Variants in MED25 observed in about 807,000 individuals in gnomAD.
The protein encoded by MED25 is mediator complex subunit 25, also known as mediator of RNA polymerase II transcription subunit 25.
A neutral mutation model predicts 89.4 loss-of-function variants in MED25; 62 were observed. The ratio of observed to expected loss-of-function variants is 0.69; its 90% CI spans 0.57 to 0.86. The LOEUF is 0.86. Among genes scored for constraint, MED25 ranks in the 40% least tolerant of loss-of-function variants. MED25 has a pLI of 0.00. For missense variants in MED25, 905 were observed against 1,005.2 expected (o/e 0.90, Z 1.35); for synonymous variants, 449 against 427.9 (o/e 1.05, Z -0.61).
intron 2 of MED25, 23 bp from the exon 3 acceptor site, chr19:49,819,149 A>C (rs2073963250): frequency 6.2e-7 from 1 of 1,613,852 alleles, no homozygotes; most frequent in Non-Finnish European, 8.5e-7. Context: ...CCAGATTAAA[A>C]GTTTTCTGTC....
intron 3 of MED25, among the ~76,000 whole-genome samples, chr19:49,824,108 G>A (rs2074000451): frequency 6.6e-6 from 1 of 152,122 alleles, no homozygotes; most frequent in Non-Finnish European, 1.5e-5. Flanking sequence ...CACAGGGCCT[G>A]GTACACAGGA....
intron 3 of MED25, among the ~76,000 whole-genome samples, chr19:49,824,790 A>G (rs1333001496): frequency 1.3e-5 from 2 of 152,212 alleles, no homozygotes; most frequent in East Asian, 1.9e-4. Context: ...CCTGGGTGAC[A>G]GGCCGTGTGT....
chr19:49,818,731 TG>T, intron 2 of MED25, 115 bp downstream of exon 2: 3 of 1,003,734 alleles, frequency 3.0e-6, no homozygotes, highest in Non-Finnish European at 3.1e-6. Flanking sequence ...GAGGAGGGGC[TG>T]GGGGTCTGGA....
chr19:49,821,400 A>T (rs1371466403), intron 3 of MED25, among the ~76,000 whole-genome samples: 1 of 152,192 alleles, frequency 6.6e-6, no homozygotes, highest in East Asian at 1.9e-4. Context: ...CGATCCTCCC[A>T]TCTCAGCTTC....
rs763665593 is a variant in MED25 at position 49,831,359 on chromosome 19, G to A, written c.1128G>A (p.Val376=). 1.2e-5 allele frequency: 20 copies of A among 1,610,990 alleles called. No individual in the cohort carries two copies. Among genetic ancestry groups the A allele is most frequent in the Non-Finnish European group, 1.7e-5 (20 of 1,178,934 alleles). ...CAGGCACTGTGGCCCCAGGAGGGGT[G>A]AGCGGCCCTTCCCCAGCCCAGCTGG... The part of the protein sequence containing the change: ...SMAGTVAPGG[V]SGPSPAQLGA... Residue 376 remains valine (V), a synonymous_variant, in exon 10 of 18, where the codon GTG becomes GTA. Coordinates refer to ENST00000312865, the MANE Select transcript of MED25 (RefSeq NM_030973.4). The surrounding 1 kb of genome is among the most constrained non-coding windows in gnomAD (Gnocchi z 5.0).
At position 49,831,562 on chromosome 19, in the gene MED25, G is replaced by A. The variant is rs1176693154; in HGVS notation, c.1230+101G>A. 4 of 1,418,698 alleles carry A rather than the reference G, an allele frequency of 2.8e-6. No homozygotes were observed. The highest frequency in any genetic ancestry group is 3.8e-6 in the Non-Finnish European group (4 of 1,047,808). The allele number at this position is 1,418,698 out of a possible 1,614,324, so 87.9% of individuals were successfully genotyped here. On this transcript the variant is annotated intron_variant, in intron 10 of 17. Coordinates refer to ENST00000312865, the MANE Select transcript of MED25 (RefSeq NM_030973.4). The surrounding 1 kb of genome is among the most constrained non-coding windows in gnomAD (Gnocchi z 5.0). ...CAGATGCGTGGGGTCTGCAGTGCTG[G>A]GTTTGGAGGCATTCGTTGCGCTGGA...
rs1002259174 is a variant in MED25 at position 49,830,444 on chromosome 19, G to A, written c.820-67G>A. 1.2e-5 allele frequency: 19 copies of A among 1,526,996 alleles called. No homozygotes were observed. Among genetic ancestry groups the A allele is most frequent in the Non-Finnish European group, 1.5e-5 (17 of 1,104,098 alleles). The allele number at this position is 1,526,996 out of a possible 1,614,324, so 94.6% of individuals were successfully genotyped here. On this transcript the variant is annotated intron_variant, in intron 7 of 17. Coordinates refer to ENST00000312865, the MANE Select transcript of MED25 (RefSeq NM_030973.4). This position sits in a 1 kb window ranked among gnomAD's most constrained non-coding sequence, Gnocchi z 4.6. ...ATGGGGCCATGGGTGGTGTGACCTC[G>A]TGGGATACCAGGACTGGGGGGCCAT...
chr19:49,822,936 C>T (rs550224454), intron 3 of MED25, among the ~76,000 whole-genome samples: 10 of 152,166 alleles, frequency 6.6e-5, no homozygotes, highest in Non-Finnish European at 1.2e-4. Flanking sequence ...CGTGAGCCAC[C>T]GCGCCTGGCC....
chr19:49,833,577 C>G (rs1224351337), intron 13 of MED25: 1 of 152,254 alleles, frequency 6.6e-6, no homozygotes, highest in Non-Finnish European at 1.5e-5. Context: ...GTTAGTACTT[C>G]CGGCTGCAAA....
rs533570346 is a variant in MED25, at chr19:49,832,314, C to T, written c.1381C>T (p.Leu461=). 6 of 1,605,446 alleles carry T rather than the reference C, an allele frequency of 3.7e-6. No individual in the cohort carries two copies. The highest frequency in any genetic ancestry group is 3.4e-5 in the Admixed American group (2 of 59,012). Residue 461 remains leucine (L), a synonymous_variant, in exon 13 of 18, where the codon CTG becomes TTG. Coordinates refer to ENST00000312865, the MANE Select transcript of MED25 (RefSeq NM_030973.4). ...ACTTCTGTGTCTCCCGCAGACCACC[C>T]TGGGCCCTTTGTTCCGGAACTCAAG... The part of the protein sequence containing the change: ...QLIPQQLLTT[L]GPLFRNSRMV...
downstream of MED25, chr19:49,838,564 A>T: frequency 2.2e-6 from 1 of 457,386 alleles, no homozygotes; most frequent in Non-Finnish European, 4.4e-6. Context: ...TCTTGTACCC[A>T]TGTCTCTATC....
intron 12 of MED25, 33 bp downstream of exon 12, chr19:49,832,190 G>C (rs1281244660): frequency 1.9e-6 from 3 of 1,608,182 alleles, no homozygotes; most frequent in Non-Finnish European, 2.5e-6. Context: ...CCCTGCTGCC[G>C]GGCAGTCCTC....
chr19:49,828,452 C>A lies in MED25; in HGVS notation c.309C>A (p.Phe103Leu), dbSNP rs918394135. The A allele has an allele frequency of 9.9e-6, 16 of 1,612,978 alleles. No individual in the cohort carries two copies. The highest frequency in any genetic ancestry group is 1.4e-5 in the Non-Finnish European group (16 of 1,179,168). The change falls in exon 4 of 18, where the codon TTC (phenylalanine) becomes TTA (leucine). Residue 103 changes from phenylalanine (F) to leucine (L), a missense_variant. This residue lies in a region of MED25 where 501 missense variants were observed against 526.9 expected (regional missense o/e 0.95). Transcript: ENST00000312865. Reference protein sequence around the residue: ...EFVTWLDGIKFMGGGGESCSL... With the variant: ...EFVTWLDGIKLMGGGGESCSL... ...GCTGACCGCTCTGCCCCTGCAGGTT[C>A]ATGGGCGGGGGTGGTGAGAGCTGCA... is the stretch of plus-strand genomic sequence containing the variant.
chr19:49,835,415 A>AC lies in MED25; in HGVS notation c.1675-114dup. 1 of 1,101,878 alleles carries AC rather than the reference A, an allele frequency of 9.1e-7. No individual in the cohort carries two copies. The allele number at this position is 1,101,878 out of a possible 1,614,324, so 68.3% of individuals were successfully genotyped here. ...GTACGGCATCCCTCCCAGACCACTC[A>AC]CCCCCAAAGAGAATGTCCCCATCTC... On this transcript the variant is annotated intron_variant, in intron 14 of 17. Transcript: ENST00000312865. This position sits in a 1 kb window ranked among gnomAD's most constrained non-coding sequence, Gnocchi z 6.2.
rs748129176 is a variant in MED25, at chr19:49,836,241, C to G, written c.1981C>G (p.Pro661Ala). 9.9e-6 allele frequency: 16 copies of G among 1,612,020 alleles called. No homozygotes were observed. Among genetic ancestry groups the G allele is most frequent in the South Asian group, 5.5e-5 (5 of 91,038 alleles). Reference protein sequence around the residue: ...LNPPPPQTGVPPPQASLHHLQ... With the variant: ...LNPPPPQTGVAPPQASLHHLQ... ...GTTCTCCCAGCCGCAGACTGGGGTGCCCCCACCCCAGGCCTCCCTCCACCA... is the reference window on the plus strand; with the variant it reads ...GTTCTCCCAGCCGCAGACTGGGGTGGCCCCACCCCAGGCCTCCCTCCACCA... Residue 661 changes from proline to alanine, a missense_variant, in exon 17 of 18, where the codon CCC becomes GCC. Pro to Ala is a conservative substitution (Grantham distance 27, BLOSUM62 -1). Coordinates refer to ENST00000312865, the MANE Select transcript of MED25 (RefSeq NM_030973.4). This position sits in a 1 kb window ranked among gnomAD's most constrained non-coding sequence, Gnocchi z 5.1.
rs930646924 is a variant in MED25, at chr19:49,832,124, G to C, written c.1341G>C (p.Lys447Asn). Residue 447 changes from lysine to asparagine, a missense_variant, in exon 12 of 18, where the codon AAG (lysine) becomes AAC (asparagine). Physicochemically the swap from Lys to Asn is moderately conservative, Grantham distance 94. This residue lies in a region of MED25 where 133 missense variants were observed against 220.2 expected (regional missense o/e 0.60). Transcript: ENST00000312865. ...ENLKTEQWPQKLIMQLIPQQL... is the reference protein window; with the variant it reads ...ENLKTEQWPQNLIMQLIPQQL... ...GGAAGACGGAGCAGTGGCCCCAGAA[G>C]CTGATCATGCAGCTCATCCCCCAGC... 1 of 1,613,146 alleles carries C rather than the reference G, an allele frequency of 6.2e-7. No individual in the cohort carries two copies. Among genetic ancestry groups the C allele is most frequent in the Non-Finnish European group, 8.5e-7 (1 of 1,180,020 alleles).
rs535410485 is a variant in MED25, at chr19:49,822,125, C to T, written c.305+2829C>T. ...AAAAATACAAAAATTTAACCGGGCG[C>T]GGTGGCAGGCACCTGCAGTCCCAGC... On this transcript the variant is annotated intron_variant, in intron 3 of 17. Transcript: ENST00000312865. 2.4e-4 allele frequency among the ~76,000 whole-genome samples: 37 copies of T among 151,084 alleles called. No homozygotes were observed. In the East Asian group the frequency reaches 6.1e-3, roughly 25 times the overall value.
In MED25 at chr19:49,829,369, C is replaced by T. The variant is rs906279830; in HGVS notation, c.525+279C>T. Reference sequence around the variant, plus strand: ...TCTTGGCCCACTGCAGCCTCTGCCTCCAGGGTTCAAGCAATTCTCATGTTT... The same window carrying T: ...TCTTGGCCCACTGCAGCCTCTGCCTTCAGGGTTCAAGCAATTCTCATGTTT... On this transcript the variant is annotated intron_variant, in intron 5 of 17. Coordinates refer to ENST00000312865, the MANE Select transcript of MED25 (RefSeq NM_030973.4). The surrounding 1 kb of genome is among the most constrained non-coding windows in gnomAD (Gnocchi z 4.6). Among the ~76,000 whole-genome samples, 1 of 152,166 alleles carries T rather than the reference C, an allele frequency of 6.6e-6. No homozygotes were observed. The highest frequency in any genetic ancestry group is 2.4e-5 in the African/African-American group (1 of 41,420).
chr19:49,818,628 G>T lies in MED25; in HGVS notation c.180+12G>T. On this transcript the variant is annotated intron_variant, in intron 2 of 17. Transcript: ENST00000312865. The stretch of plus-strand genomic sequence containing the variant: ...ACTTCGGGGGAGACGTGAGTCTAGG[G>T]ACTCCTGGGCCTGAGGGAGGAGGGG... 6.2e-7 allele frequency: 1 copy of T among 1,612,822 alleles called. No individual in the cohort carries two copies. The highest frequency in any genetic ancestry group is 1.1e-5 in the South Asian group (1 of 91,046).
Sources: allele counts gnomAD v4.1 joint callset (sites outside exome capture counted in the v4.1 genomes callset), GRCh38; gene constraint gnomAD v4.1.1; regional missense constraint gnomAD v4.1.1; non-coding constraint Gnocchi (gnomAD v3.1); transcripts MANE v1.5; gene names NCBI Gene and HGNC (gene_info 2026-07-23, HGNC 2026-07-21).